VOPP1: variants seen among roughly 807,000 people sequenced by gnomAD.
VOPP1 encodes VOPP1 WW domain binding protein.
Under a neutral mutation model 23.5 loss-of-function variants are expected in VOPP1, and 8 were observed. That is an observed-to-expected ratio of 0.34 (90% CI 0.20 to 0.61). The LOEUF is 0.61. Ranked by LOEUF, VOPP1 falls within the 20% of genes least tolerant of loss-of-function variation. VOPP1 has a pLI of 0.78. For synonymous variants in VOPP1, 83 were observed against 97.3 expected (o/e 0.85, Z 0.86); for missense variants, 174 against 238.1 (o/e 0.73, Z 1.77).
At chr7:55,524,538 A>G (rs2129043293) in intron 1 of VOPP1, among the ~76,000 whole-genome samples, 1 of 152,362 alleles carries the variant, frequency 6.6e-6, no homozygotes, top group South Asian at 2.1e-4. Flanking sequence ...AACTCACTAC[A>G]GTTAATGCAT....
intron 2 of VOPP1, among the ~76,000 whole-genome samples, chr7:55,516,926 A>ATT (rs1562947471): frequency 6.6e-4 from 30 of 45,738 alleles, no homozygotes; most frequent in African/African-American, 2.8e-3. Context: ...ATATATATAT[A>ATT]TATATATTTT....
chr7:55,452,459 T>A (rs1251151707), intron 4 of VOPP1, among the ~76,000 whole-genome samples: 2 of 152,218 alleles, frequency 1.3e-5, no homozygotes, highest in Non-Finnish European at 2.9e-5. Flanking sequence ...TCACAAATGT[T>A]CTTAACAGCA....
intron 1 of VOPP1, among the ~76,000 whole-genome samples, chr7:55,546,241 A>C (rs1380137768): frequency 6.6e-6 from 1 of 152,244 alleles, no homozygotes; most frequent in Non-Finnish European, 1.5e-5. Flanking sequence ...CCTGAGTTAC[A>C]AGACAGTCGA....
chr7:55,454,679 A>G (rs1791323499), intron 4 of VOPP1, among the ~76,000 whole-genome samples: 1 of 152,242 alleles, frequency 6.6e-6, no homozygotes, highest in Non-Finnish European at 1.5e-5. Context: ...CATTACATAA[A>G]GAGAACCAAT....
At chr7:55,569,171 A>ATT (rs571502640) in intron 1 of VOPP1, among the ~76,000 whole-genome samples, 213 of 152,296 alleles carry the variant, frequency 1.4e-3, no homozygotes, top group African/African-American at 4.5e-3. Context: ...GCTTCCAAGA[A>ATT]GCCTCCCTAG....
At chr7:55,569,124 C>CT (rs1379160712) in intron 1 of VOPP1, among the ~76,000 whole-genome samples, 3 of 152,186 alleles carry the variant, frequency 2.0e-5, no homozygotes, top group Non-Finnish European at 4.4e-5. Context: ...ACAGGAAACT[C>CT]TGAGTTAATA....
intron 1 of VOPP1, among the ~76,000 whole-genome samples, chr7:55,539,795 T>C (rs1260177208): frequency 6.6e-6 from 1 of 151,984 alleles, no homozygotes; most frequent in Admixed American, 6.6e-5. Context: ...ACCAACTATA[T>C]GGACAGGAAC....
rs947720063 is a variant in VOPP1, at chr7:55,506,611, A to T, written c.114-8921T>A. On this transcript the variant is annotated intron_variant, in intron 2 of 4. Coordinates refer to ENST00000285279, the MANE Select transcript of VOPP1 (RefSeq NM_030796.5). ...CTTGGCCTCCTAAAGTGCTGGGATT[A>T]CATGCATGAGCCACTGCACCCAGCC... Among the ~76,000 whole-genome samples the T allele has an allele frequency of 1.7e-3, 261 of 150,706 alleles. 3 individuals are homozygous for T. The highest frequency in any genetic ancestry group is 8.7e-4 in the Non-Finnish European group (59 of 67,872).
downstream of VOPP1, among the ~76,000 whole-genome samples, chr7:55,468,295 A>AAAAGAAAG (rs772746397): frequency 6.6e-6 from 1 of 151,816 alleles, no homozygotes; most frequent in Non-Finnish European, 1.5e-5. Flanking sequence ...AAAAGAAAAA[A>AAAAGAAAG]AAAGAAAGAA....
intron 2 of VOPP1, among the ~76,000 whole-genome samples, chr7:55,508,185 C>T (rs1291571829): frequency 6.6e-6 from 1 of 152,194 alleles, no homozygotes; most frequent in East Asian, 1.9e-4. Flanking sequence ...AGCCCAGATG[C>T]ACCCAGAGTT....
chr7:55,547,714 T>A (rs1305986768), intron 1 of VOPP1, among the ~76,000 whole-genome samples: 2 of 152,182 alleles, frequency 1.3e-5, no homozygotes, highest in African/African-American at 4.8e-5. Flanking sequence ...ATCTAGATAT[T>A]CAATTTTTCC....
At chr7:55,523,316 A>C (rs1795986153) in intron 1 of VOPP1, among the ~76,000 whole-genome samples, 1 of 152,254 alleles carries the variant, frequency 6.6e-6, no homozygotes, top group African/African-American at 2.4e-5. Context: ...AAAGAATCAC[A>C]GTTTGCACAC....
chr7:55,503,640 C>A (rs1279412037), intron 2 of VOPP1, among the ~76,000 whole-genome samples: 1 of 152,168 alleles, frequency 6.6e-6, no homozygotes, highest in Admixed American at 6.5e-5. Context: ...AAAGGTGGGG[C>A]TTTTGGAAGG....
chr7:55,563,681 A>G (rs143624694), intron 1 of VOPP1, among the ~76,000 whole-genome samples: 1 of 152,322 alleles, frequency 6.6e-6, no homozygotes. Flanking sequence ...ATTTTTAATA[A>G]TTGTGTGCAC....
downstream of VOPP1, among the ~76,000 whole-genome samples, chr7:55,469,827 T>C (rs1375860951): frequency 6.6e-6 from 1 of 152,212 alleles, no homozygotes; most frequent in Non-Finnish European, 1.5e-5. Flanking sequence ...TGGACACAGT[T>C]GTGATCCCCA....
At chr7:55,450,786 C>T (rs1440393454) in intron 4 of VOPP1, among the ~76,000 whole-genome samples, 1 of 152,206 alleles carries the variant, frequency 6.6e-6, no homozygotes, top group Non-Finnish European at 1.5e-5. Context: ...AAGGGCTGCG[C>T]CCAGGCAGTT....
At chr7:55,559,781 T>G (rs1797923542) in intron 1 of VOPP1, among the ~76,000 whole-genome samples, 2 of 152,088 alleles carry the variant, frequency 1.3e-5, no homozygotes, top group Admixed American at 1.3e-4. Context: ...GCACATGCAG[T>G]GGAACCGGCA....
At chr7:55,506,072 G>C (rs1181129870) in intron 2 of VOPP1, among the ~76,000 whole-genome samples, 2 of 152,256 alleles carry the variant, frequency 1.3e-5, no homozygotes, top group East Asian at 3.9e-4. Context: ...GCCTTCGAGA[G>C]GTCCCCATTG....
intron 4 of VOPP1, among the ~76,000 whole-genome samples, chr7:55,442,366 C>G (rs951521915): frequency 4.6e-5 from 7 of 152,186 alleles, no homozygotes; most frequent in Non-Finnish European, 8.8e-5. Context: ...GACATCACAG[C>G]ATCAAGAGCT....
Sources: gnomAD v4.1 joint callset for allele counts (sites outside exome capture counted in the v4.1 genomes callset) on GRCh38, gnomAD v4.1.1 for gene constraint, MANE v1.5 for transcripts, NCBI Gene and HGNC (gene_info 2026-07-23, HGNC 2026-07-21) for gene names.